Variants in STAT4 observed in about 807,000 individuals in gnomAD.
The protein encoded by STAT4 is signal transducer and activator of transcription 4.
A neutral mutation model predicts 110.5 loss-of-function variants in STAT4; 42 were observed. The ratio of observed to expected loss-of-function variants is 0.38; its 90% CI spans 0.30 to 0.49. The LOEUF is 0.49. Ranked by LOEUF, STAT4 falls within the 20% of genes least tolerant of loss-of-function variation. STAT4 has a pLI of 0.95. For synonymous variants in STAT4, 284 were observed against 302.2 expected, an observed-to-expected ratio of 0.94 and a Z score of 0.63; for missense variants, 632 against 887.9, an observed-to-expected ratio of 0.71 and a Z score of 3.66.
chr2:191,063,342 T>G (rs1051749933), intron 8 of STAT4, among the ~76,000 whole-genome samples: 31 of 152,192 alleles, frequency 2.0e-4, no homozygotes, highest in African/African-American at 6.0e-4. Context: ...GTAAGCATAC[T>G]GAAAGAAAAA....
At position 191,069,744 on chromosome 2, in the gene STAT4, CTAAG is replaced by C. The variant is rs779446409; in HGVS notation, c.489_492del (p.Tyr163Ter). The C allele has an allele frequency of 6.2e-7, 1 of 1,609,602 alleles. No individual in the cohort carries two copies. Among genetic ancestry groups the C allele is most frequent in the South Asian group, 1.1e-5 (1 of 90,208 alleles). ...TAGTCAAATTCGTCTTGCAGATCTT[CTAAG>C]TATTTGGTATCTTGTTCTGTCATCT... On this transcript the variant is annotated frameshift_variant, in exon 6 of 24. Transcript: ENST00000392320. LOFTEE classifies it high-confidence loss of function.
At chr2:191,057,090 C>T (rs902366704) in intron 13 of STAT4, among the ~76,000 whole-genome samples, 20 of 152,108 alleles carry the variant, frequency 1.3e-4, no homozygotes, top group Non-Finnish European at 2.4e-4. Context: ...GCCCCTTCTA[C>T]GCTACTGAAT....
Position 191,146,207 on chromosome 2 carries a change from TAAG to T in STAT4, c.273+403_273+405del, listed in dbSNP as rs966605078. On this transcript the variant is annotated intron_variant, in intron 3 of 23. Coordinates refer to ENST00000392320, the MANE Select transcript of STAT4 (RefSeq NM_003151.4). The surrounding 1 kb of genome is among the most constrained non-coding windows in gnomAD (Gnocchi z 4.5). ...GAGTGTGAGATCTGAACCAAATCTG[TAAG>T]AATACATTCACTCATGATGCTCTCA... 6.6e-6 allele frequency among the ~76,000 whole-genome samples: 1 copy of T among 152,124 alleles called. No individual in the cohort carries two copies. The highest frequency in any genetic ancestry group is 2.4e-5 in the African/African-American group (1 of 41,440).
chr2:191,044,247 C>A (rs1288220477), intron 14 of STAT4, among the ~76,000 whole-genome samples: 2 of 152,006 alleles, frequency 1.3e-5, no homozygotes, highest in African/African-American at 4.8e-5. Context: ...AAATGAAGGA[C>A]CACACCAAAA....
intron 3 of STAT4, among the ~76,000 whole-genome samples, chr2:191,121,408 C>A (rs894195880): frequency 3.3e-5 from 5 of 152,136 alleles, no homozygotes; most frequent in Admixed American, 2.0e-4. Flanking sequence ...TTGACCCAGC[C>A]ATCCCATTAC....
chr2:191,126,788 T>C (rs934097106), intron 3 of STAT4, among the ~76,000 whole-genome samples: 68 of 152,214 alleles, frequency 4.5e-4, no homozygotes, highest in African/African-American at 1.6e-3. Context: ...TTTCATCACA[T>C]GAAATAGTTT....
chr2:191,078,102 A>T (rs1298572045), intron 3 of STAT4, among the ~76,000 whole-genome samples: 1 of 12,570 alleles, frequency 8.0e-5, no homozygotes, highest in African/African-American at 8.8e-5. Flanking sequence ...TTCCATTGTT[A>T]AAAAAAGGGC....
In STAT4 at chr2:191,066,304, C is replaced by T. The variant is rs1696984243; in HGVS notation, c.630+126G>A. 3 of 821,748 alleles carry T rather than the reference C, an allele frequency of 3.7e-6. No homozygotes were observed. In the African/African-American group the frequency reaches 5.1e-5, roughly 14 times the overall value. 50.9% of individuals were successfully genotyped at this position (821,748 alleles called of 1,614,324 possible). Reference sequence around the variant, plus strand: ...AACAGCGTGGGACTGTTCCTAGAAACCTTGCCGTTTCTTCATTCAGTAAAT... The same window carrying T: ...AACAGCGTGGGACTGTTCCTAGAAATCTTGCCGTTTCTTCATTCAGTAAAT... On this transcript the variant is annotated intron_variant, in intron 7 of 23. Transcript: ENST00000392320. This position sits in a 1 kb window ranked among gnomAD's most constrained non-coding sequence, Gnocchi z 4.3.
At chr2:191,094,674 T>G (rs1050838561) in intron 3 of STAT4, among the ~76,000 whole-genome samples, 1 of 152,052 alleles carries the variant, frequency 6.6e-6, no homozygotes, top group Non-Finnish European at 1.5e-5. Context: ...AGGAAGAAAC[T>G]GCATCAACTA....
At chr2:191,047,689 A>G (rs1347586985) in intron 14 of STAT4, among the ~76,000 whole-genome samples, 1 of 152,114 alleles carries the variant, frequency 6.6e-6, no homozygotes, top group African/African-American at 2.4e-5. Flanking sequence ...TTTTTGAGAC[A>G]GAGTCTTGCT....
intron 3 of STAT4, among the ~76,000 whole-genome samples, chr2:191,087,759 C>T (rs895853488): frequency 3.7e-4 from 56 of 151,996 alleles, no homozygotes; most frequent in African/African-American, 1.4e-3. Context: ...AACAAACCCA[C>T]TAAATTGAAG....
chr2:191,131,830 G>T lies in STAT4; in HGVS notation c.273+14783C>A, dbSNP rs773984884. ...TGAAGAAGCTAAGTCCTAGGGACAA[G>T]ATTTGGACCTTTGAATGCAGGTTTC... On this transcript the variant is annotated intron_variant, in intron 3 of 23. Transcript: ENST00000392320. The T allele has an allele frequency of 6.9e-6, 10 of 1,440,880 alleles. No individual in the cohort carries two copies. The South Asian group carries it at 1.4e-4, about 20-fold the overall frequency. 89.3% of individuals were successfully genotyped at this position (1,440,880 alleles called of 1,614,324 possible). A position where few individuals can be genotyped will look rare whatever the true frequency, so the allele number is the denominator to read the frequency against.
At chr2:191,095,797 A>C (rs543489299) in intron 3 of STAT4, among the ~76,000 whole-genome samples, 12 of 152,304 alleles carry the variant, frequency 7.9e-5, no homozygotes, top group South Asian at 4.1e-4. Context: ...GACACACACA[A>C]AAAAATCCTT....
At chr2:191,081,281 G>T (rs1023081996) in intron 3 of STAT4, among the ~76,000 whole-genome samples, 6 of 152,252 alleles carry the variant, frequency 3.9e-5, no homozygotes, top group Admixed American at 2.6e-4. Context: ...TTGCTATTGT[G>T]AACAGTGCCA....
At chr2:191,087,817 T>A (rs1574143050) in intron 3 of STAT4, among the ~76,000 whole-genome samples, 1 of 152,076 alleles carries the variant, frequency 6.6e-6, no homozygotes, top group Non-Finnish European at 1.5e-5. Flanking sequence ...GAATGGCTAG[T>A]CTAATAGGTT....
Position 191,146,886 on chromosome 2 carries a change from ATTG to A in STAT4, c.129-132_129-130del. The A allele has an allele frequency of 1.1e-6, 1 of 879,124 alleles. No homozygotes were observed. Among genetic ancestry groups the A allele is most frequent in the East Asian group, 3.1e-5 (1 of 32,014 alleles). The allele number at this position is 879,124 out of a possible 1,614,324, so 54.5% of individuals were successfully genotyped here. On this transcript the variant is annotated intron_variant, in intron 2 of 23. Coordinates refer to ENST00000392320, the MANE Select transcript of STAT4 (RefSeq NM_003151.4). This position sits in a 1 kb window ranked among gnomAD's most constrained non-coding sequence, Gnocchi z 4.5. Reference sequence around the variant, plus strand: ...GCATTTAAAAGTTTTAAAAAATTAAATTGTTAACATGAAGAGATGCTCAACATC... The same window carrying A: ...GCATTTAAAAGTTTTAAAAAATTAAATTAACATGAAGAGATGCTCAACATC...
chr2:191,129,125 CATG>C (rs1229102762), intron 3 of STAT4, among the ~76,000 whole-genome samples: 1 of 151,574 alleles, frequency 6.6e-6, no homozygotes, highest in Admixed American at 6.6e-5. Context: ...AAATTTGCTG[CATG>C]ATATTTACAA....
chr2:191,134,686 C>T (rs1475492172), intron 3 of STAT4, among the ~76,000 whole-genome samples: 1 of 152,136 alleles, frequency 6.6e-6, no homozygotes, highest in Non-Finnish European at 1.5e-5. Flanking sequence ...GGACAAAAGG[C>T]AAGTCTCAAA....
At chr2:191,055,828 T>C (rs1276892367) in intron 13 of STAT4, among the ~76,000 whole-genome samples, 1 of 152,236 alleles carries the variant, frequency 6.6e-6, no homozygotes, top group African/African-American at 2.4e-5. Flanking sequence ...GTGTTCCTTG[T>C]TCTTCCTTTT....
Sources: allele counts gnomAD v4.1 joint callset (sites outside exome capture counted in the v4.1 genomes callset), GRCh38; gene constraint gnomAD v4.1.1; non-coding constraint Gnocchi (gnomAD v3.1); transcripts MANE v1.5; gene names NCBI Gene and HGNC (gene_info 2026-07-23, HGNC 2026-07-21).